ZC3H12B: variants seen among roughly 807,000 people sequenced by gnomAD.
The protein encoded by ZC3H12B is probable ribonuclease ZC3H12B.
ZC3H12B carries 7 observed loss-of-function variants against 43.9 expected under a neutral mutation model. The ratio of observed to expected loss-of-function variants is 0.16; its 90% CI spans 0.09 to 0.30. The LOEUF is 0.30. Among genes scored for constraint, ZC3H12B ranks in the 10% least tolerant of loss-of-function variants. The pLI is 1.00. For synonymous variants in ZC3H12B, 222 were observed against 241.7 expected, an observed-to-expected ratio of 0.92 and a Z score of 0.76; for missense variants, 475 against 670.2, an observed-to-expected ratio of 0.71 and a Z score of 3.22.
intron 3 of ZC3H12B, among the ~76,000 whole-genome samples, chrX:65,422,537 TA>T (rs1302234774): frequency 4.9e-5 from 5 of 101,157 alleles, no homozygotes; most frequent in Non-Finnish European, 5.7e-5. Context: ...TTTGATGTTT[TA>T]TTTTTTTTTT....
chrX:65,455,587 G>A (rs1212785244), intron 3 of ZC3H12B, among the ~76,000 whole-genome samples: 8 of 111,906 alleles, frequency 7.1e-5, no homozygotes, highest in Admixed American at 6.7e-4. Context: ...CCCCAATCTA[G>A]CAAGGCAGGC....
At chrX:65,163,557 C>T in the ZC3H12B span, among the ~76,000 whole-genome samples, 1 of 111,642 alleles carries the variant, frequency 9.0e-6, no homozygotes, top group Non-Finnish European at 1.9e-5. Flanking sequence ...ACTCCGTGGG[C>T]GTAGGACCCT....
intron 3 of ZC3H12B, among the ~76,000 whole-genome samples, chrX:65,428,031 G>A (rs1374464107): frequency 9.0e-6 from 1 of 111,617 alleles, no homozygotes; most frequent in African/African-American, 3.3e-5. Flanking sequence ...GCTTAGTCTG[G>A]CTGGATATGA....
At chrX:65,233,320 A>G in the ZC3H12B span, among the ~76,000 whole-genome samples, 4 of 111,655 alleles carry the variant, frequency 3.6e-5, no homozygotes, top group Admixed American at 1.9e-4. Context: ...TATATGAAAC[A>G]TTCTCAAGGA....
At chrX:65,164,248 G>T in the ZC3H12B span, among the ~76,000 whole-genome samples, 1 of 111,147 alleles carries the variant, frequency 9.0e-6, no homozygotes, top group African/African-American at 3.3e-5. Context: ...AAATCACAGG[G>T]GGTCAAAGAT....
chrX:65,418,572 A>G (rs994737496), intron 3 of ZC3H12B, among the ~76,000 whole-genome samples: 1 of 111,801 alleles, frequency 8.9e-6, no homozygotes, highest in Non-Finnish European at 1.9e-5. Flanking sequence ...ACCTTAATGG[A>G]CAACCAAGTC....
intron 3 of ZC3H12B, among the ~76,000 whole-genome samples, chrX:65,439,503 A>G (rs1219411344): frequency 9.0e-6 from 1 of 111,564 alleles, no homozygotes; most frequent in Non-Finnish European, 1.9e-5. Flanking sequence ...CTAAACAAGT[A>G]CGTTCATTTT....
At chrX:65,367,032 G>C (rs976001562) in intron 1 of ZC3H12B, among the ~76,000 whole-genome samples, 3 of 112,011 alleles carry the variant, frequency 2.7e-5, no homozygotes, top group African/African-American at 9.7e-5. Flanking sequence ...GGGCCTTAGA[G>C]ATGAATAACA....
At chrX:65,319,692 G>A in the ZC3H12B span, among the ~76,000 whole-genome samples, 2 of 110,755 alleles carry the variant, frequency 1.8e-5, no homozygotes, top group East Asian at 5.7e-4. Flanking sequence ...CTAGTAAACC[G>A]AATCTAGCAG....
chrX:65,072,725 C>G, the ZC3H12B span, among the ~76,000 whole-genome samples: 9 of 112,212 alleles, frequency 8.0e-5, no homozygotes, highest in Non-Finnish European at 1.5e-4. Flanking sequence ...TTCTTGTTCA[C>G]ATGTCCTAGC....
the ZC3H12B span, among the ~76,000 whole-genome samples, chrX:65,339,551 G>A: frequency 1.8e-5 from 2 of 111,957 alleles, no homozygotes; most frequent in South Asian, 3.7e-4. Context: ...GGCCAGTGAT[G>A]CCTATCCTCC....
chrX:65,153,360 C>T, the ZC3H12B span, among the ~76,000 whole-genome samples: 2 of 111,835 alleles, frequency 1.8e-5, no homozygotes, highest in African/African-American at 6.5e-5. Flanking sequence ...TATCCAGAAT[C>T]TACAATGAAC....
intron 3 of ZC3H12B, among the ~76,000 whole-genome samples, chrX:65,462,145 T>A (rs2067758659): frequency 9.0e-6 from 1 of 111,581 alleles, no homozygotes; most frequent in African/African-American, 3.2e-5. Context: ...AAAAATATAA[T>A]AAAATGCCAC....
chrX:65,326,937 C>T, the ZC3H12B span, among the ~76,000 whole-genome samples: 1 of 111,421 alleles, frequency 9.0e-6, no homozygotes, highest in Non-Finnish European at 1.9e-5. Context: ...TATCACCTCA[C>T]TTCTCTTACA....
the ZC3H12B span, among the ~76,000 whole-genome samples, chrX:65,158,325 G>A: frequency 9.0e-6 from 1 of 111,220 alleles, no homozygotes; most frequent in African/African-American, 3.3e-5. Flanking sequence ...ATTTCTAGTT[G>A]TAGATCCCTG....
At chrX:65,335,866 C>G in the ZC3H12B span, among the ~76,000 whole-genome samples, 1 of 112,112 alleles carries the variant, frequency 8.9e-6, no homozygotes. Flanking sequence ...ACCACGAAAT[C>G]ATTTCAAGGT....
chrX:65,358,855 C>A, the ZC3H12B span, among the ~76,000 whole-genome samples: 1 of 111,713 alleles, frequency 9.0e-6, no homozygotes, highest in Non-Finnish European at 1.9e-5. Context: ...CGAAACAGCC[C>A]TGTACTGAAA....
chrX:65,357,004 A>T, the ZC3H12B span: 1 of 519,308 alleles, frequency 1.9e-6, no homozygotes, highest in Non-Finnish European at 3.5e-6. Context: ...TATAAAATGG[A>T]TGTTGTTACC....
the ZC3H12B span, among the ~76,000 whole-genome samples, chrX:65,205,964 T>C: frequency 9.0e-6 from 1 of 111,405 alleles, no homozygotes; most frequent in African/African-American, 3.3e-5. Context: ...CCTAAGGACT[T>C]GAAAGACCTT....
Sources: allele counts gnomAD v4.1 joint callset (sites outside exome capture counted in the v4.1 genomes callset), GRCh38; gene constraint gnomAD v4.1.1; transcripts MANE v1.5; gene names NCBI Gene and HGNC (gene_info 2026-07-23, HGNC 2026-07-21).